Variants in VWC2 observed in about 807,000 individuals in gnomAD.
The protein encoded by VWC2 is brorin.
VWC2 carries 14 observed loss-of-function variants against 29.8 expected under a neutral mutation model. That is an observed-to-expected ratio of 0.47 (90% CI 0.31 to 0.74). VWC2 has a LOEUF of 0.74. Among genes scored for constraint, VWC2 ranks in the 30% least tolerant of loss-of-function variants. The probability of loss-of-function intolerance (pLI) is 0.05; values close to 1 mark genes in which losing one functional copy is unlikely to be tolerated. For missense variants in VWC2, 457 were observed against 459.8 expected (o/e 0.99, Z 0.05); for synonymous variants, 213 against 199.0 (o/e 1.07, Z -0.59).
chr7:49,775,538 A>T lies in VWC2; in HGVS notation c.103A>T (p.Lys35Ter). The stretch of plus-strand genomic sequence containing the variant: ...GTGCAGTCCGAGCATCCCGCTGGAG[A>T]AGCTGGCCCAGGCACCAGAGCAGCC... ...ALCSPSIPLE[K>*]LAQAPEQPGQ... The change falls in exon 2 of 4, where the codon AAG (lysine) becomes TAG (stop). Residue 35 changes from lysine (K) to a stop codon, truncating the protein, a stop_gained. Transcript: ENST00000340652. LOFTEE classifies it high-confidence loss of function. 1 of 1,567,622 alleles carries T rather than the reference A, an allele frequency of 6.4e-7. No homozygotes were observed. The highest frequency in any genetic ancestry group is 8.6e-7 in the Non-Finnish European group (1 of 1,160,798).
chr7:49,908,414 T>C (rs1410311473), intron 3 of VWC2, among the ~76,000 whole-genome samples: 6 of 152,158 alleles, frequency 3.9e-5, no homozygotes, highest in Non-Finnish European at 8.8e-5. Flanking sequence ...AGACATATAA[T>C]TAAAATCTAA....
intron 3 of VWC2, among the ~76,000 whole-genome samples, chr7:49,849,197 G>A (rs551829679): frequency 6.6e-6 from 1 of 152,136 alleles, no homozygotes; most frequent in East Asian, 1.9e-4. Context: ...CCTCGGCTGT[G>A]GGGGGAAACC....
chr7:49,899,838 A>G (rs1055964771), intron 3 of VWC2, among the ~76,000 whole-genome samples: 1 of 151,990 alleles, frequency 6.6e-6, no homozygotes, highest in Non-Finnish European at 1.5e-5. Flanking sequence ...ATTGACATCT[A>G]TTGACTACTT....
intron 3 of VWC2, among the ~76,000 whole-genome samples, chr7:49,881,012 T>C (rs1190227246): frequency 6.6e-6 from 1 of 152,220 alleles, no homozygotes; most frequent in Admixed American, 6.5e-5. Context: ...AAGTGATTTA[T>C]TCAAATGTTT....
intron 3 of VWC2, among the ~76,000 whole-genome samples, chr7:49,831,584 C>T (rs907155179): frequency 2.6e-5 from 4 of 152,086 alleles, no homozygotes; most frequent in South Asian, 2.1e-4. Context: ...CTCCTCATAC[C>T]GAGGGCTACC....
chr7:49,897,495 A>T (rs990116748), intron 3 of VWC2, among the ~76,000 whole-genome samples: 1 of 152,214 alleles, frequency 6.6e-6, no homozygotes, highest in African/African-American at 2.4e-5. Flanking sequence ...GTACTCAAAC[A>T]CTGATCAATA....
intron 2 of VWC2, among the ~76,000 whole-genome samples, chr7:49,788,676 A>C (rs1341943785): frequency 8.5e-6 from 1 of 117,688 alleles, no homozygotes; most frequent in Non-Finnish European, 1.6e-5. Context: ...AGAGTCTGTG[A>C]GTGTGGGTGT....
intron 3 of VWC2, among the ~76,000 whole-genome samples, chr7:49,887,129 T>C (rs901074261): frequency 6.6e-6 from 1 of 152,234 alleles, no homozygotes; most frequent in African/African-American, 2.4e-5. Context: ...AGGGTTTGTA[T>C]ATTTTAACTT....
At chr7:49,829,068 A>G (rs796911399) in intron 3 of VWC2, among the ~76,000 whole-genome samples, 38 of 152,254 alleles carry the variant, frequency 2.5e-4, no homozygotes, top group African/African-American at 9.1e-4. Flanking sequence ...TGGTCCCCTG[A>G]GGGTGGTGTC....
At chr7:49,846,832 C>G (rs1381767622) in intron 3 of VWC2, among the ~76,000 whole-genome samples, 1 of 152,154 alleles carries the variant, frequency 6.6e-6, no homozygotes, top group Non-Finnish European at 1.5e-5. Context: ...CATTTGACAG[C>G]CAGAGAAGTA....
chr7:49,800,596 C>T (rs1208453230), intron 2 of VWC2, among the ~76,000 whole-genome samples: 2 of 152,136 alleles, frequency 1.3e-5, no homozygotes, highest in Non-Finnish European at 2.9e-5. Flanking sequence ...ATGTAATCCA[C>T]ACCACCTGGG....
intron 2 of VWC2, among the ~76,000 whole-genome samples, chr7:49,797,250 ACTTT>A (rs1328005936): frequency 6.6e-6 from 1 of 152,156 alleles, no homozygotes; most frequent in Non-Finnish European, 1.5e-5. Context: ...CTTAGCTCGT[ACTTT>A]CTTTCTTCTC....
chr7:49,783,330 G>A (rs1047526545), intron 2 of VWC2, among the ~76,000 whole-genome samples: 1 of 152,114 alleles, frequency 6.6e-6, no homozygotes, highest in Non-Finnish European at 1.5e-5. Context: ...GGTCAAGGGG[G>A]CACACAGTAG....
intron 3 of VWC2, among the ~76,000 whole-genome samples, chr7:49,810,311 G>A (rs1562714203): frequency 6.6e-6 from 1 of 151,878 alleles, no homozygotes; most frequent in Non-Finnish European, 1.5e-5. Flanking sequence ...GCTTCAAAAA[G>A]AATAGATACT....
chr7:49,857,118 G>T (rs996635853), intron 3 of VWC2, among the ~76,000 whole-genome samples: 2 of 147,456 alleles, frequency 1.4e-5, no homozygotes, highest in Non-Finnish European at 3.0e-5. Context: ...GCATGATATC[G>T]TGCAGCAGAT....
chr7:49,806,364 G>T (rs1788878661), intron 3 of VWC2, among the ~76,000 whole-genome samples: 1 of 152,212 alleles, frequency 6.6e-6, no homozygotes, highest in African/African-American at 2.4e-5. Flanking sequence ...GTCAGAATTA[G>T]CTGTGCTTCT....
intron 2 of VWC2, among the ~76,000 whole-genome samples, chr7:49,797,441 T>C (rs1788618118): frequency 6.6e-6 from 1 of 152,202 alleles, no homozygotes; most frequent in Admixed American, 6.5e-5. Context: ...TTATTCTTCA[T>C]TGTTTTGCTT....
In VWC2 at chr7:49,782,713, A is replaced by G. The variant is rs1366776492; in HGVS notation, c.696+6582A>G. ...TTGAAAAAAAAAAAAAAGGCCAGGCATGTTGGTGTGCTCACCTGTAGACCC... is the reference window on the plus strand; with the variant it reads ...TTGAAAAAAAAAAAAAAGGCCAGGCGTGTTGGTGTGCTCACCTGTAGACCC... On this transcript the variant is annotated intron_variant, in intron 2 of 3. Transcript: ENST00000340652. Among the ~76,000 whole-genome samples, 5 of 150,434 alleles carry G rather than the reference A, an allele frequency of 3.3e-5. No individual in the cohort carries two copies. In the South Asian group the frequency reaches 1.0e-3, roughly 32 times the overall value.
chr7:49,798,421 G>A (rs1788648818), intron 2 of VWC2, among the ~76,000 whole-genome samples: 1 of 152,252 alleles, frequency 6.6e-6, no homozygotes, highest in Admixed American at 6.5e-5. Flanking sequence ...AAAGCCTCAT[G>A]TCAAAGCTAG....
Sources: gnomAD v4.1 joint callset for allele counts (sites outside exome capture counted in the v4.1 genomes callset) on GRCh38, gnomAD v4.1.1 for gene constraint, MANE v1.5 for transcripts, NCBI Gene and HGNC (gene_info 2026-07-23, HGNC 2026-07-21) for gene names.